Variants in IL34 observed in about 807,000 individuals in gnomAD.
The protein encoded by IL34 is interleukin-34.
In IL34, 17 loss-of-function variants were observed where a neutral mutation model predicts 25.3. The observed-to-expected ratio is 0.67, with a 90% CI of 0.46 to 1.01. IL34 has a LOEUF of 1.01. Ranked by LOEUF, IL34 falls within the 50% of genes least tolerant of loss-of-function variation. The pLI is 0.00. For synonymous variants in IL34, 174 were observed against 140.9 expected, an observed-to-expected ratio of 1.23 and a Z score of -1.66; for missense variants, 368 against 312.9, an observed-to-expected ratio of 1.18 and a Z score of -1.33.
chr16:70,630,563 C>T (rs1263934201), intron 1 of IL34, among the ~76,000 whole-genome samples: 2 of 151,474 alleles, frequency 1.3e-5, no homozygotes, highest in Admixed American at 1.3e-4. Context: ...CTCCCCTCTC[C>T]TCTCCTCTTC....
At chr16:70,655,304 GCCT>G (rs2052188922) in intron 2 of IL34, among the ~76,000 whole-genome samples, 1 of 152,054 alleles carries the variant, frequency 6.6e-6, no homozygotes, top group Non-Finnish European at 1.5e-5. Context: ...GCCTGCCTCA[GCCT>G]CCCAAAGTGC....
At chr16:70,623,661 AG>A (rs981907144) in intron 1 of IL34, among the ~76,000 whole-genome samples, 11 of 151,984 alleles carry the variant, frequency 7.2e-5, no homozygotes, top group African/African-American at 1.2e-4. Flanking sequence ...ATACAAGAGG[AG>A]GATGCAAAGG....
At chr16:70,616,312 T>C (rs2051172622) in intron 1 of IL34, among the ~76,000 whole-genome samples, 1 of 152,348 alleles carries the variant, frequency 6.6e-6, no homozygotes, top group South Asian at 2.1e-4. Context: ...CAGCTTTGGA[T>C]GAAAAATTAG....
upstream of IL34, among the ~76,000 whole-genome samples, chr16:70,642,853 A>C (rs1567459778): frequency 1.3e-5 from 2 of 151,456 alleles, no homozygotes; most frequent in Non-Finnish European, 2.9e-5. Flanking sequence ...CATTTATATG[A>C]AATGTCCAGA....
At chr16:70,602,220 G>A (rs1286521399) in intron 1 of IL34, among the ~76,000 whole-genome samples, 1 of 152,308 alleles carries the variant, frequency 6.6e-6, no homozygotes, top group South Asian at 2.1e-4. Context: ...TGCTGGGCTG[G>A]GGGAATGTGG....
intron 4 of IL34, among the ~76,000 whole-genome samples, chr16:70,658,056 C>T (rs1484653833): frequency 4.6e-5 from 7 of 152,164 alleles, no homozygotes; most frequent in African/African-American, 1.7e-4. Context: ...GGGACCTCTC[C>T]CCGTCTCCAC....
intron 1 of IL34, among the ~76,000 whole-genome samples, chr16:70,595,028 C>T (rs935871216): frequency 6.6e-6 from 1 of 151,126 alleles, no homozygotes; most frequent in Non-Finnish European, 1.5e-5. Context: ...GATCTCGGCT[C>T]ACTGCAACCT....
At chr16:70,654,362 G>A in intron 1 of IL34, 176 bp from the exon 2 acceptor site, 1 of 783,978 alleles carries the variant, frequency 1.3e-6, no homozygotes, top group East Asian at 2.9e-5. Flanking sequence ...TGACCTTGCT[G>A]TTCTGGAGCC....
intron 1 of IL34, among the ~76,000 whole-genome samples, chr16:70,623,596 T>C (rs2051325089): frequency 6.6e-6 from 1 of 151,940 alleles, no homozygotes; most frequent in Admixed American, 6.6e-5. Flanking sequence ...GGGTGCATGA[T>C]CAGTCGCCAA....
At chr16:70,643,047 T>G (rs943106139), upstream of IL34, among the ~76,000 whole-genome samples, 7 of 152,060 alleles carry the variant, frequency 4.6e-5, no homozygotes, top group Non-Finnish European at 1.0e-4. Flanking sequence ...GTTGTACACT[T>G]TATTATTTAT....
At chr16:70,590,385 C>G (rs1306419897) in intron 1 of IL34, among the ~76,000 whole-genome samples, 1 of 152,198 alleles carries the variant, frequency 6.6e-6, no homozygotes, top group Non-Finnish European at 1.5e-5. Context: ...GGGGAGCTCC[C>G]CATTAGCGGA....
chr16:70,621,944 G>T (rs1018557498), intron 1 of IL34, among the ~76,000 whole-genome samples: 28 of 151,896 alleles, frequency 1.8e-4, no homozygotes, highest in Non-Finnish European at 1.9e-4. Flanking sequence ...CATCAGTTAA[G>T]GGGGGGCAGG....
At chr16:70,629,291 T>G (rs1309322173) in intron 1 of IL34, among the ~76,000 whole-genome samples, 2 of 152,236 alleles carry the variant, frequency 1.3e-5, no homozygotes, top group Non-Finnish European at 2.9e-5. Flanking sequence ...CCTCTAGTGA[T>G]TCTAAGTTAT....
Position 70,660,348 on chromosome 16 carries a change from C to T in IL34, c.*161C>T, listed in dbSNP as rs2052375239. The stretch of plus-strand genomic sequence containing the variant: ...AGGGGGATTCTGTGCCACAGCAGGG[C>T]TCAGCTTCCTGCCTTCCATAGCTGT... On this transcript the variant is annotated 3_prime_UTR_variant, in exon 6 of 6. Coordinates refer to ENST00000288098, the MANE Select transcript of IL34 (RefSeq NM_001393494.1). The T allele has an allele frequency of 1.6e-6, 1 of 630,730 alleles. No individual in the cohort carries two copies. Among genetic ancestry groups the T allele is most frequent in the African/African-American group, 1.9e-5 (1 of 53,878 alleles). 39.1% of individuals were successfully genotyped at this position (630,730 alleles called of 1,614,324 possible).
chr16:70,623,825 A>T (rs1451708255), intron 1 of IL34, among the ~76,000 whole-genome samples: 1 of 151,078 alleles, frequency 6.6e-6, no homozygotes, highest in Admixed American at 6.6e-5. Context: ...AGTATCATCT[A>T]AGTTGGCACC....
intron 1 of IL34, among the ~76,000 whole-genome samples, chr16:70,587,418 C>T (rs943922391): frequency 4.6e-5 from 7 of 152,056 alleles, no homozygotes; most frequent in Admixed American, 2.0e-4. Flanking sequence ...TACAGACGCC[C>T]GCCACCACGC....
intron 1 of IL34, among the ~76,000 whole-genome samples, chr16:70,631,599 C>A (rs1017898585): frequency 1.3e-5 from 2 of 152,090 alleles, no homozygotes; most frequent in East Asian, 1.9e-4. Context: ...TGTTATAAAA[C>A]TAAACTTGGG....
chr16:70,584,821 C>T (rs2050673173), intron 1 of IL34, among the ~76,000 whole-genome samples: 1 of 152,090 alleles, frequency 6.6e-6, no homozygotes, highest in South Asian at 2.1e-4. Flanking sequence ...CTGCCTCAGC[C>T]TCTGGAGTGG....
rs1049363585 is a variant in IL34, at chr16:70,646,577, C to T, written c.-371C>T. 2.4e-5 allele frequency: 7 copies of T among 290,336 alleles called. No individual in the cohort carries two copies. The highest frequency in any genetic ancestry group is 6.6e-5 in the East Asian group (1 of 15,046). 18.0% of individuals were successfully genotyped at this position (290,336 alleles called of 1,614,324 possible). On this transcript the variant is annotated 5_prime_UTR_variant, in exon 1 of 6. Transcript: ENST00000288098. ...AGATTTCACACTGAGCAGCTGCAGT[C>T]GGAGAAATCAGAGAAAGCGTCACCC...
Sources: allele counts gnomAD v4.1 joint callset (sites outside exome capture counted in the v4.1 genomes callset), GRCh38; gene constraint gnomAD v4.1.1; transcripts MANE v1.5; gene names NCBI Gene and HGNC (gene_info 2026-07-23, HGNC 2026-07-21).